AP1G2: variants seen among roughly 807,000 people sequenced by gnomAD.
AP1G2 encodes the protein AP-1 complex subunit gamma-like 2.
Under a neutral mutation model 95.8 loss-of-function variants are expected in AP1G2, and 85 were observed. The ratio of observed to expected loss-of-function variants is 0.89; its 90% CI spans 0.74 to 1.06. The LOEUF is 1.06. Ranked by LOEUF, AP1G2 falls within the 50% of genes least tolerant of loss-of-function variation. The probability of loss-of-function intolerance (pLI) is 0.00; values close to 1 mark genes in which losing one functional copy is unlikely to be tolerated. For synonymous variants in AP1G2, 378 were observed against 400.0 expected, an observed-to-expected ratio of 0.94 and a Z score of 0.66; for missense variants, 967 against 1,005.8, an observed-to-expected ratio of 0.96 and a Z score of 0.52.
chr14:23,561,771 C>A, intron 17 of AP1G2, 136 bp from the exon 18 acceptor site: 1 of 1,469,830 alleles, frequency 6.8e-7, no homozygotes. Context: ...CCTAAAATGA[C>A]ATGTTGTTGC....
Position 23,567,488 on chromosome 14 carries a change from C to T in AP1G2, c.-5-169G>A, listed in dbSNP as rs1381305582. On this transcript the variant is annotated intron_variant, in intron 1 of 21. Coordinates refer to ENST00000397120, the MANE Select transcript of AP1G2 (RefSeq NM_003917.5). The surrounding 1 kb of genome is among the most constrained non-coding windows in gnomAD (Gnocchi z 5.3). ...GGGTCTCCAAATTCCGCGCCCACCC[C>T]ACCGCCCGAGAAGCCCACTACGCAT... The T allele has an allele frequency of 5.8e-6, 8 of 1,389,248 alleles. No homozygotes were observed. Among genetic ancestry groups the T allele is most frequent in the Middle Eastern group, 2.6e-4 (1 of 3,794 alleles). 86.1% of individuals were successfully genotyped at this position (1,389,248 alleles called of 1,614,324 possible).
At chr14:23,561,150 T>G in intron 19 of AP1G2, 146 bp downstream of exon 19, 1 of 1,395,954 alleles carries the variant, frequency 7.2e-7, no homozygotes, top group East Asian at 2.4e-5. Flanking sequence ...ATGATTGACT[T>G]CATTCTTTTA....
At chr14:23,561,923 G>A (rs756399107) in intron 17 of AP1G2, 39 bp downstream of exon 17, 2 of 1,568,870 alleles carry the variant, frequency 1.3e-6, no homozygotes, top group Non-Finnish European at 1.7e-6. Context: ...GAGAGGGCAG[G>A]GGTTTGGGTC....
chr14:23,565,006 G>A (rs755342348), intron 8 of AP1G2, 113 bp downstream of exon 8: 672 of 980,686 alleles, frequency 6.9e-4, no homozygotes, highest in Non-Finnish European at 1.0e-3. Flanking sequence ...CTGTCTAGAG[G>A]AGATGGAGAG....
Position 23,563,446 on chromosome 14 carries a change from C to G in AP1G2, c.1344G>C (p.Gly448=). 1.2e-6 allele frequency: 2 copies of G among 1,613,456 alleles called. No individual in the cohort carries two copies. Among genetic ancestry groups the G allele is most frequent in the Non-Finnish European group, 8.5e-7 (1 of 1,179,816 alleles). ...AVANLTQLIG[G]AQELHAYSVR... is the part of the protein sequence containing the mutation. ...CAGAGTAGGCATGTAGCTCCTGGGCCCCCCCAATCAGCTGGGTCAGGTTGG... is the reference window on the plus strand; with the variant it reads ...CAGAGTAGGCATGTAGCTCCTGGGCGCCCCCAATCAGCTGGGTCAGGTTGG... The change falls in exon 14 of 22, where the codon GGG becomes GGC. Residue 448 remains glycine, a synonymous_variant. Coordinates refer to ENST00000397120, the MANE Select transcript of AP1G2 (RefSeq NM_003917.5).
chr14:23,565,947 T>C, intron 5 of AP1G2, 55 bp from the exon 6 acceptor site: 1 of 1,605,702 alleles, frequency 6.2e-7, no homozygotes, highest in Admixed American at 1.7e-5. Context: ...GAGAGTCTAT[T>C]GCGTGTGTGC....
chr14:23,565,964 G>A, intron 5 of AP1G2, 72 bp from the exon 6 acceptor site: 2 of 1,609,490 alleles, frequency 1.2e-6, no homozygotes, highest in African/African-American at 1.3e-5. Context: ...GTGCCTGTGT[G>A]TGTGCACTAC....
chr14:23,565,931 G>A (rs758959562), intron 5 of AP1G2, 39 bp from the exon 6 acceptor site: 4 of 1,601,614 alleles, frequency 2.5e-6, no homozygotes, highest in African/African-American at 1.3e-5. Context: ...TGGGGGCCAG[G>A]GGCAAGAGAG....
chr14:23,561,254 C>T (rs1884471486), intron 19 of AP1G2, 42 bp downstream of exon 19: 1 of 1,513,092 alleles, frequency 6.6e-7, no homozygotes, highest in African/African-American at 1.4e-5. Context: ...AGTACATTTC[C>T]ACCTACCTTC....
In AP1G2 at chr14:23,559,983, A is replaced by G; in HGVS notation, c.2211T>C (p.Gly737=). ...APSGNTVPAR[G]GLPITQLFRI... The stretch of plus-strand genomic sequence containing the variant: ...TGAAGAGCTGGGTGATAGGAAGGCC[A>G]CCCCGAGCTGGAACTGTGTTCCCAC... Residue 737 remains glycine, a synonymous_variant, in exon 21 of 22, where the codon GGT becomes GGC. Transcript: ENST00000397120. 1 of 1,613,062 alleles carries G rather than the reference A, an allele frequency of 6.2e-7. No individual in the cohort carries two copies. Among genetic ancestry groups the G allele is most frequent in the Non-Finnish European group, 8.5e-7 (1 of 1,179,560 alleles).
At position 23,567,101 on chromosome 14, in the gene AP1G2, T is replaced by G. The variant is rs1051134592; in HGVS notation, c.204+10A>C. On this transcript the variant is annotated intron_variant, in intron 2 of 21. Coordinates refer to ENST00000397120, the MANE Select transcript of AP1G2 (RefSeq NM_003917.5). The surrounding 1 kb of genome is among the most constrained non-coding windows in gnomAD (Gnocchi z 5.3). ...ATCAAGCTCAGGAGGGAGGTATTCC[T>G]GGCCAGTACCTGTCCAAAGTGGGCG... 6.2e-7 allele frequency: 1 copy of G among 1,605,654 alleles called. No individual in the cohort carries two copies. Among genetic ancestry groups the G allele is most frequent in the Admixed American group, 1.7e-5 (1 of 57,700 alleles).
chr14:23,567,317 T>C lies in AP1G2; in HGVS notation c.-3A>G. On this transcript the variant is annotated splice_region_variant and 5_prime_UTR_variant, in exon 2 of 22. Transcript: ENST00000397120. This position sits in a 1 kb window ranked among gnomAD's most constrained non-coding sequence, Gnocchi z 5.3. The stretch of plus-strand genomic sequence containing the variant: ...AGCTTCAGCGAAGGCACCACCATCC[T>C]GACTGGCAGAGTCCGGGAGTGGAGA... 1 of 1,612,296 alleles carries C rather than the reference T, an allele frequency of 6.2e-7. No individual in the cohort carries two copies. The highest frequency in any genetic ancestry group is 2.2e-5 in the East Asian group (1 of 44,810).
At chr14:23,564,284 G>A (rs564197849) in intron 10 of AP1G2, 49 bp downstream of exon 10, 1 of 1,613,954 alleles carries the variant, frequency 6.2e-7, no homozygotes, top group Non-Finnish European at 8.5e-7. Flanking sequence ...GGAGGGCAGA[G>A]GGCCAGGGGA....
intron 8 of AP1G2, chr14:23,564,904 A>G: frequency 1.6e-6 from 1 of 632,414 alleles, no homozygotes; most frequent in Non-Finnish European, 2.8e-6. Context: ...CCATCCAACA[A>G]AGTTCCCTGA....
rs201169755 is a variant in AP1G2, at chr14:23,563,604, T to C, written c.1267A>G (p.Ile423Val). 428 of 1,614,108 alleles carry C rather than the reference T, an allele frequency of 2.7e-4. No individual in the cohort carries two copies. The highest frequency in any genetic ancestry group is 3.6e-4 in the Non-Finnish European group (421 of 1,180,050). ...APTKRWHIDT[I>V]LHVLTTAGTH... ...CTCACCGTTGTCAGCACATGCAGGA[T>C]GGTGTCTATGTGCCAGCGTTTGGTT... Residue 423 changes from isoleucine to valine, a missense_variant, in exon 13 of 22, where the codon ATC (isoleucine) becomes GTC (valine). By Grantham distance (29) the Ile-to-Val change is conservative. Transcript: ENST00000397120.
In AP1G2 at chr14:23,562,756, A is replaced by G. The variant is rs973604671; in HGVS notation, c.1411-163T>C. The G allele has an allele frequency of 9.1e-5, 61 of 671,418 alleles. 1 individual carries two copies. The highest frequency in any genetic ancestry group is 2.0e-5 in the South Asian group (1 of 50,890). 41.6% of individuals were successfully genotyped at this position (671,418 alleles called of 1,614,324 possible). Reference sequence around the variant, plus strand: ...CCCCCATCTCTATTTTAAAAAAAAAAAGAGAGAGAGAGAAAGAAAGAAACA... The same window carrying G: ...CCCCCATCTCTATTTTAAAAAAAAAGAGAGAGAGAGAGAAAGAAAGAAACA... On this transcript the variant is annotated intron_variant, in intron 14 of 21. Transcript: ENST00000397120.
chr14:23,567,778 C>G lies in AP1G2; in HGVS notation c.-45G>C. ...AACTCCGCTCCTCTGCCCCCCAGCG[C>G]TTCCTGGTACGGGGCCGAGCAGGGG... is the stretch of plus-strand genomic sequence containing the variant. On this transcript the variant is annotated 5_prime_UTR_variant, in exon 1 of 22. Coordinates refer to ENST00000397120, the MANE Select transcript of AP1G2 (RefSeq NM_003917.5). This position sits in a 1 kb window ranked among gnomAD's most constrained non-coding sequence, Gnocchi z 5.3. The G allele has an allele frequency of 2.0e-6, 2 of 1,002,878 alleles. No homozygotes were observed. The highest frequency in any genetic ancestry group is 4.1e-5 in the South Asian group (1 of 24,562). The allele number at this position is 1,002,878 out of a possible 1,614,324, so 62.1% of individuals were successfully genotyped here.
chr14:23,566,295 G>C lies in AP1G2; in HGVS notation c.454C>G (p.Pro152Ala). The change falls in exon 4 of 22, where the codon CCC becomes GCC. Residue 152 changes from proline to alanine, a missense_variant. Pro to Ala is a conservative substitution (Grantham distance 27). Transcript: ENST00000397120. The stretch of plus-strand genomic sequence containing the variant: ...CATCTCACCTTCTTGCGCACGTAGG[G>C]ACTGGGCTGCAGGAGCAGTTTCTCC... ...EVEKLLLQPS[P>A]YVRKKAILTA... is the part of the protein sequence containing the mutation. 1 of 1,613,894 alleles carries C rather than the reference G, an allele frequency of 6.2e-7. No individual in the cohort carries two copies. The highest frequency in any genetic ancestry group is 8.5e-7 in the Non-Finnish European group (1 of 1,180,014).
At position 23,562,203 on chromosome 14, in the gene AP1G2, C is replaced by T. The variant is rs942149105; in HGVS notation, c.1628+85G>A. On this transcript the variant is annotated intron_variant, in intron 16 of 21. Coordinates refer to ENST00000397120, the MANE Select transcript of AP1G2 (RefSeq NM_003917.5). Reference sequence around the variant, plus strand: ...CCTAAGGGCTAGGGGGTAGGGAGGGCTGGGCATGTATGCCTGGAAAGAAAC... The same window carrying T: ...CCTAAGGGCTAGGGGGTAGGGAGGGTTGGGCATGTATGCCTGGAAAGAAAC... 3.1e-6 allele frequency: 5 copies of T among 1,597,172 alleles called. No individual in the cohort carries two copies. In the African/African-American group the frequency reaches 4.0e-5, roughly 13 times the overall value.
Sources: allele counts gnomAD v4.1 joint callset, GRCh38; gene constraint gnomAD v4.1.1; non-coding constraint Gnocchi (gnomAD v3.1); transcripts MANE v1.5; gene names NCBI Gene and HGNC (gene_info 2026-07-23, HGNC 2026-07-21).